The following MORN1 variants were observed in gnomAD, a reference collection of about 807,000 sequenced individuals.
MORN1 encodes MORN repeat-containing protein 1.
A neutral mutation model predicts 61.9 loss-of-function variants in MORN1; 67 were observed. The observed-to-expected ratio is 1.08, with a 90% CI of 0.89 to 1.33. MORN1 has a LOEUF of 1.33. Ranked by LOEUF, MORN1 falls within the 40% of genes most tolerant of loss-of-function variation. The probability of loss-of-function intolerance (pLI) is 0.00; values close to 1 mark genes in which losing one functional copy is unlikely to be tolerated. For missense variants in MORN1, 752 were observed against 691.2 expected (o/e 1.09, Z -0.99); for synonymous variants, 301 against 292.0 (o/e 1.03, Z -0.31).
chr1:2,336,926 G>A, intron 10 of MORN1, 76 bp from the exon 11 acceptor site: 2 of 1,406,156 alleles, frequency 1.4e-6, no homozygotes, highest in Non-Finnish European at 1.9e-6. Context: ...GGGCTGTGCT[G>A]AAGTGTGGCT....
chr1:2,323,307 A>G (rs1321332480), intron 13 of MORN1: 6 of 985,396 alleles, frequency 6.1e-6, no homozygotes, highest in Non-Finnish European at 7.2e-6. Context: ...GCTGCGCCAG[A>G]GGCAGCTCCA....
At chr1:2,321,640 A>AGCCCACT in intron 13 of MORN1, 61 bp from the exon 14 acceptor site, 4 of 1,426,048 alleles carry the variant, frequency 2.8e-6, no homozygotes, top group Non-Finnish European at 3.7e-6. Flanking sequence ...CCCTGGCCTC[A>AGCCCACT]GCCCACTGCC....
intron 13 of MORN1, chr1:2,322,741 A>G (rs1195685457): frequency 2.0e-6 from 2 of 985,326 alleles, no homozygotes; most frequent in African/African-American, 1.7e-5. Context: ...GAATCCAGCT[A>G]TACCAGTGGT....
At chr1:2,385,292 G>A (rs1462013104) in intron 5 of MORN1, 12 of 578,578 alleles carry the variant, frequency 2.1e-5, no homozygotes, top group Admixed American at 1.3e-4. Flanking sequence ...AGGCCTGCTC[G>A]GGACGCACTC....
chr1:2,382,302 C>T (rs990738147), intron 6 of MORN1, among the ~76,000 whole-genome samples: 5 of 152,142 alleles, frequency 3.3e-5, no homozygotes, highest in African/African-American at 9.7e-5. Context: ...TGGCTGGGGG[C>T]CCCCAGGGCT....
In MORN1 at chr1:2,387,454, C is replaced by T. The variant is rs750228655; in HGVS notation, c.323G>A (p.Cys108Tyr). The T allele has an allele frequency of 2.5e-5, 41 of 1,613,638 alleles. 1 individual carries two copies. In the South Asian group the frequency reaches 4.1e-4, roughly 16 times the overall value. The change falls in exon 4 of 14, where the codon TGT becomes TAT. Residue 108 changes from cysteine (C) to tyrosine (Y), a missense_variant. Physicochemically the swap from Cys to Tyr is radical, Grantham distance 194. Transcript: ENST00000378531. Reference sequence around the variant, plus strand: ...GCCGTGGGAGACCTCCCCTTCATAACATCCGCCGGCTTTGTACTCCATGAC... The same window carrying T: ...GCCGTGGGAGACCTCCCCTTCATAATATCCGCCGGCTTTGTACTCCATGAC... Reference protein sequence around the residue: ...YGVMEYKAGGCYEGEVSHGMR... With the variant: ...YGVMEYKAGGYYEGEVSHGMR...
chr1:2,382,595 C>T (rs970642119), intron 6 of MORN1, among the ~76,000 whole-genome samples: 2 of 152,190 alleles, frequency 1.3e-5, no homozygotes, highest in East Asian at 1.9e-4. Flanking sequence ...GAGAATTCTG[C>T]CCAGGGACTC....
rs558524013 is a variant in MORN1 at position 2,348,808 on chromosome 1, C to T, written c.1036+8624G>A. On this transcript the variant is annotated intron_variant, in intron 10 of 13. Transcript: ENST00000378531. ...ACACGCACGCACACGCACTCCTGCG[C>T]GGGCACGCACACACACGCACGCACA... 3.5e-3 allele frequency among the ~76,000 whole-genome samples: 519 copies of T among 148,646 alleles called. 2 individuals are homozygous for T. The highest frequency in any genetic ancestry group is 6.9e-3 in the Middle Eastern group (2 of 290).
At chr1:2,343,843 C>T (rs895222860) in intron 10 of MORN1, among the ~76,000 whole-genome samples, 5 of 152,194 alleles carry the variant, frequency 3.3e-5, no homozygotes, top group Non-Finnish European at 4.4e-5. Flanking sequence ...TTTAGCAAAA[C>T]GATGAACAAT....
intron 13 of MORN1, chr1:2,323,575 C>A: frequency 1.0e-6 from 1 of 985,342 alleles, no homozygotes; most frequent in Non-Finnish European, 1.2e-6. Flanking sequence ...TGTGGGGCGA[C>A]TGGAGGAGGC....
At chr1:2,342,511 G>A (rs1305669337) in intron 10 of MORN1, among the ~76,000 whole-genome samples, 4 of 152,244 alleles carry the variant, frequency 2.6e-5, no homozygotes, top group African/African-American at 9.6e-5. Context: ...TCAGTCAGCC[G>A]AGAAGCGCGG....
intron 7 of MORN1, among the ~76,000 whole-genome samples, chr1:2,374,104 C>T (rs575490357): frequency 6.6e-6 from 1 of 152,236 alleles, no homozygotes; most frequent in East Asian, 1.9e-4. Flanking sequence ...GGAGGCAGCC[C>T]CCAGAGGAGG....
chr1:2,322,361 T>C (rs2100212156), intron 13 of MORN1: 4 of 984,820 alleles, frequency 4.1e-6, no homozygotes, highest in African/African-American at 3.5e-5. Flanking sequence ...GCAGCTGAAA[T>C]GGGGGCAGGA....
chr1:2,387,724 T>C (rs1470123705), intron 3 of MORN1, 195 bp from the exon 4 acceptor site: 13 of 591,828 alleles, frequency 2.2e-5, no homozygotes, highest in Non-Finnish European at 3.6e-5. Flanking sequence ...CAGCTGGGCA[T>C]GCAGACAGCC....
chr1:2,343,273 C>G (rs1247773236), intron 10 of MORN1, among the ~76,000 whole-genome samples: 7 of 152,374 alleles, frequency 4.6e-5, no homozygotes, highest in Non-Finnish European at 1.0e-4. Context: ...CAAGACAGGA[C>G]TGCTCTGGGC....
chr1:2,387,263 G>A (rs963750338), intron 4 of MORN1, 156 bp downstream of exon 4: 9 of 662,644 alleles, frequency 1.4e-5, no homozygotes, highest in African/African-American at 1.3e-4. Context: ...GACATGGCCT[G>A]GTGGTGCGGA....
intron 6 of MORN1, among the ~76,000 whole-genome samples, chr1:2,380,701 T>C (rs1248740864): frequency 6.6e-6 from 1 of 152,052 alleles, no homozygotes; most frequent in African/African-American, 2.4e-5. Context: ...TGTACCACCA[T>C]GCTTAGCTAA....
rs978142467 is a variant in MORN1 at position 2,334,348 on chromosome 1, C to T, written c.1250+2121G>A. Among the ~76,000 whole-genome samples, 7 of 152,150 alleles carry T rather than the reference C, an allele frequency of 4.6e-5. No individual in the cohort carries two copies. The highest frequency in any genetic ancestry group is 2.1e-4 in the South Asian group (1 of 4,828). On this transcript the variant is annotated intron_variant, in intron 12 of 13. Transcript: ENST00000378531. This position sits in a 1 kb window ranked among gnomAD's most constrained non-coding sequence, Gnocchi z 5.4. ...CACAGGCCCAGGTTTGTCTCTAAGT[C>T]GCTGCCGCCCCATGATCCATGGCGG...
intron 8 of MORN1, among the ~76,000 whole-genome samples, chr1:2,362,061 G>A (rs1380179395): frequency 2.0e-5 from 3 of 151,970 alleles, no homozygotes; most frequent in African/African-American, 4.8e-5. Flanking sequence ...GTGAAACCCC[G>A]TCTCTACTAA....
Sources: allele counts gnomAD v4.1 joint callset (sites outside exome capture counted in the v4.1 genomes callset), GRCh38; gene constraint gnomAD v4.1.1; non-coding constraint Gnocchi (gnomAD v3.1); transcripts MANE v1.5; gene names NCBI Gene and HGNC (gene_info 2026-07-23, HGNC 2026-07-21).